NCOA1: variants seen among roughly 807,000 people sequenced by gnomAD.
NCOA1 encodes the protein nuclear receptor coactivator 1.
NCOA1 carries 35 observed loss-of-function variants against 150.9 expected under a neutral mutation model. That is an observed-to-expected ratio of 0.23 (90% CI 0.18 to 0.31). The LOEUF is 0.31. NCOA1 is among the 10% of genes least tolerant of loss of function. The pLI is 1.00. For synonymous variants in NCOA1, 590 were observed against 630.0 expected (o/e 0.94, Z 0.95); for missense variants, 1,491 against 1,749.3 (o/e 0.85, Z 2.63).
intron 3 of NCOA1, among the ~76,000 whole-genome samples, chr2:24,631,140 T>G (rs1669691865): frequency 1.3e-5 from 2 of 152,286 alleles, no homozygotes; most frequent in East Asian, 3.9e-4. Context: ...TCTTTTTAAA[T>G]TTTATTTGGG....
intron 3 of NCOA1, among the ~76,000 whole-genome samples, chr2:24,606,337 A>G (rs1233871577): frequency 6.6e-6 from 1 of 151,956 alleles, no homozygotes; most frequent in African/African-American, 2.4e-5. Flanking sequence ...CTTGGGTTTG[A>G]GAGATTCTCC....
intron 4 of NCOA1, among the ~76,000 whole-genome samples, chr2:24,655,614 TA>T (rs1273168495): frequency 2.0e-4 from 31 of 152,250 alleles, no homozygotes; most frequent in Admixed American, 1.8e-3. Flanking sequence ...CATGATTAGA[TA>T]TACACTTGGT....
chr2:24,608,907 C>T (rs1244921959), intron 3 of NCOA1, among the ~76,000 whole-genome samples: 1 of 151,944 alleles, frequency 6.6e-6, no homozygotes, highest in Non-Finnish European at 1.5e-5. Context: ...TGATGTTTTT[C>T]TTGTGAGGTT....
intron 3 of NCOA1, among the ~76,000 whole-genome samples, chr2:24,622,371 A>T (rs1162369305): frequency 6.6e-6 from 1 of 152,050 alleles, no homozygotes; most frequent in Non-Finnish European, 1.5e-5. Flanking sequence ...CATCTGTAGC[A>T]CTCTCCACCC....
At position 24,657,557 on chromosome 2, in the gene NCOA1, G is replaced by A. The variant is rs149905152; in HGVS notation, c.-17-1104G>A. On this transcript the variant is annotated intron_variant, in intron 4 of 22. Coordinates refer to ENST00000348332, the MANE Select transcript of NCOA1 (RefSeq NM_003743.5). ...GAAATAATAAGTTCATGATTAAAAT[G>A]TTAGGGATTATTTGTACACCAAAAA... Among the ~76,000 whole-genome samples, 420 of 152,294 alleles carry A rather than the reference G, an allele frequency of 2.8e-3. 3 individuals are homozygous for A. The highest frequency in any genetic ancestry group is 0.01 in the Middle Eastern group (3 of 294).
At chr2:24,636,319 A>C (rs911042643) in intron 3 of NCOA1, among the ~76,000 whole-genome samples, 1 of 152,094 alleles carries the variant, frequency 6.6e-6, no homozygotes. Flanking sequence ...TTAATTCCAA[A>C]GTATTTTGTT....
At chr2:24,675,661 G>T (rs1230723741) in intron 7 of NCOA1, among the ~76,000 whole-genome samples, 1 of 152,192 alleles carries the variant, frequency 6.6e-6, no homozygotes, top group Admixed American at 6.5e-5. Context: ...AAGGCGGGTG[G>T]ATCACTTGAG....
intron 3 of NCOA1, among the ~76,000 whole-genome samples, chr2:24,621,907 C>G (rs533395596): frequency 3.9e-5 from 6 of 152,248 alleles, no homozygotes; most frequent in South Asian, 2.1e-4. Flanking sequence ...GTCTCATTTC[C>G]CCAAACCTAA....
intron 7 of NCOA1, among the ~76,000 whole-genome samples, chr2:24,675,909 T>C (rs895261518): frequency 2.0e-5 from 3 of 151,916 alleles, no homozygotes; most frequent in Non-Finnish European, 4.4e-5. Flanking sequence ...AATAAATAAG[T>C]AAAAAATAAA....
At chr2:24,713,155 C>G (rs1673840433) in intron 14 of NCOA1, among the ~76,000 whole-genome samples, 2 of 152,036 alleles carry the variant, frequency 1.3e-5, no homozygotes, top group South Asian at 2.1e-4. Context: ...CACCTGAACC[C>G]AGGAGGCAGA....
chr2:24,710,967 C>T lies in NCOA1; in HGVS notation c.2455C>T (p.Pro819Ser). Reference protein sequence around the residue: ...ADLDQFDQLLPTLEKAAQLPG... With the variant: ...ADLDQFDQLLSTLEKAAQLPG... ...CCTTGACCAGTTTGATCAGTTACTG[C>T]CCACGCTGGAGAAGGCAGCACAGTT... The change falls in exon 14 of 23, where the codon CCC becomes TCC. Residue 819 changes from proline (P) to serine (S), a missense_variant. By Grantham distance (74) the Pro-to-Ser change is moderately conservative. This residue lies in a region of NCOA1 where 703 missense variants were observed against 717.7 expected (regional missense o/e 0.98). Coordinates refer to ENST00000348332, the MANE Select transcript of NCOA1 (RefSeq NM_003743.5). 6.2e-7 allele frequency: 1 copy of T among 1,614,084 alleles called. No individual in the cohort carries two copies. The highest frequency in any genetic ancestry group is 8.5e-7 in the Non-Finnish European group (1 of 1,179,982).
intron 1 of NCOA1, among the ~76,000 whole-genome samples, chr2:24,516,999 C>CATAT (rs1664224536): frequency 4.6e-5 from 1 of 21,730 alleles, no homozygotes; most frequent in African/African-American, 9.6e-5. Flanking sequence ...TATATACACA[C>CATAT]GCGCGCACAC....
intron 1 of NCOA1, among the ~76,000 whole-genome samples, chr2:24,503,422 C>G (rs1224639668): frequency 6.6e-6 from 1 of 152,122 alleles, no homozygotes; most frequent in Non-Finnish European, 1.5e-5. Context: ...TTGAGGATTA[C>G]TACATTTCTG....
chr2:24,606,036 T>C (rs549195623), intron 3 of NCOA1, among the ~76,000 whole-genome samples: 1 of 152,312 alleles, frequency 6.6e-6, no homozygotes, highest in East Asian at 1.9e-4. Context: ...GTACATTCTG[T>C]GTTCTCTAGA....
At chr2:24,604,722 A>C (rs1481495183) in intron 3 of NCOA1, among the ~76,000 whole-genome samples, 3 of 152,204 alleles carry the variant, frequency 2.0e-5, no homozygotes, top group African/African-American at 4.8e-5. Flanking sequence ...AACTTTACCC[A>C]TATGAGCAAC....
At chr2:24,741,444 G>A (rs542665854) in intron 18 of NCOA1, among the ~76,000 whole-genome samples, 4 of 152,086 alleles carry the variant, frequency 2.6e-5, no homozygotes, top group Non-Finnish European at 5.9e-5. Context: ...TCTTAACAAT[G>A]TTCATGGCCA....
intron 3 of NCOA1, among the ~76,000 whole-genome samples, chr2:24,618,716 C>G (rs1384153098): frequency 6.6e-6 from 1 of 152,096 alleles, no homozygotes; most frequent in Non-Finnish European, 1.5e-5. Flanking sequence ...GTATGTTCCC[C>G]CCTCCTGTAT....
At chr2:24,559,123 T>C (rs1000813291) in intron 1 of NCOA1, among the ~76,000 whole-genome samples, 1 of 152,138 alleles carries the variant, frequency 6.6e-6, no homozygotes, top group Admixed American at 6.5e-5. Flanking sequence ...CTGATATCTT[T>C]TTCTTTTTGT....
chr2:24,510,905 T>C (rs1482760660), intron 1 of NCOA1, among the ~76,000 whole-genome samples: 3 of 152,222 alleles, frequency 2.0e-5, no homozygotes, highest in African/African-American at 7.2e-5. Flanking sequence ...TTGGCAGCTT[T>C]TAGTATATTC....
Sources: gnomAD v4.1 joint callset for allele counts (sites outside exome capture counted in the v4.1 genomes callset) on GRCh38, gnomAD v4.1.1 for gene constraint, gnomAD v4.1.1 regional missense constraint, MANE v1.5 for transcripts, NCBI Gene and HGNC (gene_info 2026-07-23, HGNC 2026-07-21) for gene names.